The following WDPCP variants were observed in gnomAD, a reference collection of about 807,000 sequenced individuals.
WDPCP encodes the protein WD repeat-containing and planar cell polarity effector protein fritz homolog.
Under a neutral mutation model 93.1 loss-of-function variants are expected in WDPCP, and 71 were observed. The ratio of observed to expected loss-of-function variants is 0.76; its 90% CI spans 0.63 to 0.93. The LOEUF (loss-of-function observed/expected upper bound fraction) is 0.93. Ranked by LOEUF, WDPCP falls within the 40% of genes least tolerant of loss-of-function variation. The pLI, the probability that WDPCP is intolerant of heterozygous loss-of-function variation, is 0.00. For synonymous variants in WDPCP, 315 were observed against 315.0 expected (o/e 1.00, Z 0.00); for missense variants, 844 against 887.4 (o/e 0.95, Z 0.62).
chr2:63,753,188 T>G (rs887457319), intron 2 of WDPCP, among the ~76,000 whole-genome samples: 27 of 151,918 alleles, frequency 1.8e-4, no homozygotes, highest in Non-Finnish European at 3.4e-4. Context: ...TCCCAGCACT[T>G]TAGGAGGCCG....
chr2:63,622,403 G>A, intron 3 of WDPCP: 1 of 1,613,628 alleles, frequency 6.2e-7, no homozygotes, highest in Non-Finnish European at 8.5e-7. Flanking sequence ...CAAATTCCTG[G>A]ACAGCTCTGG....
At chr2:63,242,993 C>T (rs887549132) in intron 14 of WDPCP, among the ~76,000 whole-genome samples, 8 of 152,140 alleles carry the variant, frequency 5.3e-5, no homozygotes, top group African/African-American at 9.7e-5. Flanking sequence ...TCCTGGAACA[C>T]GTCCCAGGAT....
chr2:63,510,308 TAAAC>T (rs555689647), intron 1 of WDPCP, among the ~76,000 whole-genome samples: 1 of 152,132 alleles, frequency 6.6e-6, no homozygotes, highest in African/African-American at 2.4e-5. Context: ...ATTCATCACA[TAAAC>T]AAAACCAATG....
intron 15 of WDPCP, among the ~76,000 whole-genome samples, chr2:63,167,758 C>T (rs551026271): frequency 5.4e-4 from 82 of 152,178 alleles, no homozygotes; most frequent in African/African-American, 1.7e-3. Flanking sequence ...ATAATATCTA[C>T]ATTATTATGT....
intron 1 of WDPCP, among the ~76,000 whole-genome samples, chr2:63,583,872 G>A (rs2106559914): frequency 6.6e-6 from 1 of 152,234 alleles, no homozygotes; most frequent in Non-Finnish European, 1.5e-5. Flanking sequence ...CTGGGAGCCT[G>A]AGGCAGGAGG....
chr2:63,627,694 A>G (rs1228689486), intron 3 of WDPCP, among the ~76,000 whole-genome samples: 4 of 152,172 alleles, frequency 2.6e-5, no homozygotes, highest in African/African-American at 9.7e-5. Context: ...CCCTCCAGAG[A>G]CTGCCAGACT....
intron 2 of WDPCP, among the ~76,000 whole-genome samples, chr2:63,672,272 G>C (rs940270668): frequency 2.0e-5 from 3 of 152,140 alleles, no homozygotes. Context: ...CTGAATACTT[G>C]TACAGCTCAT....
intron 2 of WDPCP, among the ~76,000 whole-genome samples, chr2:63,708,935 T>C (rs1669214881): frequency 6.7e-6 from 1 of 149,276 alleles, no homozygotes; most frequent in African/African-American, 2.5e-5. Context: ...TTAAACAGAA[T>C]GGGAAATTTG....
intron 17 of WDPCP, among the ~76,000 whole-genome samples, chr2:63,139,445 G>T (rs181054626): frequency 6.6e-6 from 1 of 152,298 alleles, no homozygotes; most frequent in East Asian, 1.9e-4. Flanking sequence ...CACCAGCAGT[G>T]TAGAAGTGTT....
At chr2:63,711,832 T>C (rs1408517370) in intron 2 of WDPCP, among the ~76,000 whole-genome samples, 1 of 152,158 alleles carries the variant, frequency 6.6e-6, no homozygotes, top group African/African-American at 2.4e-5. Context: ...GTGTGGTAAA[T>C]TGATAGTACT....
At chr2:63,830,671 A>G (rs529719239), upstream of WDPCP, among the ~76,000 whole-genome samples, 2 of 152,092 alleles carry the variant, frequency 1.3e-5, no homozygotes, top group Non-Finnish European at 2.9e-5. Context: ...CTGAATTCTC[A>G]TAACTGGCCA....
chr2:63,316,524 G>A (rs995122578), intron 12 of WDPCP, among the ~76,000 whole-genome samples: 1 of 151,898 alleles, frequency 6.6e-6, no homozygotes, highest in Non-Finnish European at 1.5e-5. Flanking sequence ...ATGGTGGTGG[G>A]TGCCTGTATT....
At chr2:63,174,391 TC>T (rs1673641186) in intron 15 of WDPCP, among the ~76,000 whole-genome samples, 1 of 152,216 alleles carries the variant, frequency 6.6e-6, no homozygotes, top group East Asian at 1.9e-4. Context: ...AGCCTAACAA[TC>T]CTAGAATTTA....
chr2:63,621,783 G>A (rs1228683974), intron 3 of WDPCP, among the ~76,000 whole-genome samples: 1 of 152,134 alleles, frequency 6.6e-6, no homozygotes, highest in Non-Finnish European at 1.5e-5. Flanking sequence ...AAGAAAGGTC[G>A]GGTTACCCAA....
intron 13 of WDPCP, among the ~76,000 whole-genome samples, chr2:63,312,345 A>C (rs779257749): frequency 1.3e-4 from 20 of 152,204 alleles, no homozygotes; most frequent in Non-Finnish European, 2.9e-4. Flanking sequence ...AGATTCAGGA[A>C]AAGCACCTTC....
chr2:63,554,665 G>C (rs938488676), intron 1 of WDPCP, among the ~76,000 whole-genome samples: 1 of 148,786 alleles, frequency 6.7e-6, no homozygotes, highest in African/African-American at 2.5e-5. Flanking sequence ...AAAAAAAAAA[G>C]ATTAATAAAT....
intron 1 of WDPCP, among the ~76,000 whole-genome samples, chr2:63,560,276 G>T (rs2106407677): frequency 6.6e-6 from 1 of 152,078 alleles, no homozygotes. Flanking sequence ...AAAAAAGTGT[G>T]TATAGCCAAG....
chr2:63,671,089 G>A (rs951290871), intron 2 of WDPCP, among the ~76,000 whole-genome samples: 3 of 152,148 alleles, frequency 2.0e-5, no homozygotes, highest in African/African-American at 7.2e-5. Context: ...AGAGGCTAGA[G>A]TAATTCCTAG....
intron 1 of WDPCP, among the ~76,000 whole-genome samples, chr2:63,826,527 G>C (rs923774267): frequency 6.6e-6 from 1 of 151,992 alleles, no homozygotes; most frequent in African/African-American, 2.4e-5. Flanking sequence ...AGACACACTA[G>C]TGGTGTAACT....
Sources: gnomAD v4.1 joint callset for allele counts (sites outside exome capture counted in the v4.1 genomes callset) on GRCh38, gnomAD v4.1.1 for gene constraint, MANE v1.5 for transcripts, NCBI Gene and HGNC (gene_info 2026-07-23, HGNC 2026-07-21) for gene names.